The following MACF1 variants were observed in gnomAD, a reference collection of about 807,000 sequenced individuals.
MACF1 encodes the protein microtubule-actin cross-linking factor 1.
Under a neutral mutation model 854.8 loss-of-function variants are expected in MACF1, and 193 were observed. The observed-to-expected ratio is 0.23, with a 90% CI of 0.20 to 0.25. The LOEUF (loss-of-function observed/expected upper bound fraction) is 0.25, where lower values mean the gene tolerates loss of function less well. MACF1 is among the 10% of genes least tolerant of loss of function. The pLI is 1.00. For missense variants in MACF1, 7,722 were observed against 8,929.1 expected (o/e 0.86, Z 5.45); for synonymous variants, 3,185 against 3,226.7 (o/e 0.99, Z 0.44).
chr1:39,237,220 C>CT (rs1644869620), intron 2 of MACF1, among the ~76,000 whole-genome samples: 1 of 152,216 alleles, frequency 6.6e-6, no homozygotes, highest in Non-Finnish European at 1.5e-5. Context: ...CTGACCATCA[C>CT]CCACTTCACC....
At chr1:39,292,095 G>A in intron 16 of MACF1, 57 bp downstream of exon 16, 21 of 1,597,772 alleles carry the variant, frequency 1.3e-5, no homozygotes, top group Non-Finnish European at 1.7e-5. Flanking sequence ...CGGATGAAAG[G>A]ACAGTACACA....
In MACF1 at chr1:39,333,168, C is replaced by A. The variant is rs551439838; in HGVS notation, c.6580C>A (p.Pro2194Thr). 1.9e-6 allele frequency: 3 copies of A among 1,612,992 alleles called. No individual in the cohort carries two copies. The East Asian group carries it at 6.7e-5, about 36-fold the overall frequency. Reference protein sequence around the residue: ...HDETGGSHIKPQSKKLQVQVK... With the variant: ...HDETGGSHIKTQSKKLQVQVK... ...TGAAACTGGAGGATCTCACATAAAACCCCAAAGCAAAAAGTTACAAGTTCA... is the reference window on the plus strand; with the variant it reads ...TGAAACTGGAGGATCTCACATAAAAACCCAAAGCAAAAAGTTACAAGTTCA... The change falls in exon 37 of 101, where the codon CCC (proline) becomes ACC (threonine). Residue 2194 changes from proline to threonine, a missense_variant. By Grantham distance (38) the Pro-to-Thr change is conservative. Around this residue, in one of 15 missense-constraint regions of MACF1, gnomAD observed 1,531 missense variants for 1,601.6 expected, o/e 0.96. Transcript: ENST00000564288.
At chr1:39,424,229 G>A (rs763319454) in intron 61 of MACF1, 35 bp downstream of exon 61, 1 of 1,582,686 alleles carries the variant, frequency 6.3e-7, no homozygotes, top group Non-Finnish European at 8.6e-7. Flanking sequence ...GTGGGTCAGA[G>A]GTTTGTTTTG....
At chr1:39,412,904 A>G (rs1410253003) in intron 58 of MACF1, 1 of 1,608,790 alleles carries the variant, frequency 6.2e-7, no homozygotes, top group South Asian at 1.1e-5. Flanking sequence ...CCCTTTCCAC[A>G]TGAGGACATC....
In MACF1 at chr1:39,308,367, A is replaced by G. The variant is rs75214599; in HGVS notation, c.2790-1203A>G. ...TTTATTCTTCTTTGGGATTTCCTGA[A>G]CTTTGAATTTCAACTCTACTGAAAT... is the stretch of plus-strand genomic sequence containing the variant. On this transcript the variant is annotated intron_variant, in intron 23 of 100. Transcript: ENST00000564288. 4.5e-4 allele frequency among the ~76,000 whole-genome samples: 69 copies of G among 152,024 alleles called. 2 individuals are homozygous for G. The East Asian group carries it at 0.013, about 28-fold the overall frequency.
Position 39,236,612 on chromosome 1 carries a change from G to A in MACF1, c.171+5369G>A, listed in dbSNP as rs113943499. Among the ~76,000 whole-genome samples, 778 of 152,280 alleles carry A rather than the reference G, an allele frequency of 5.1e-3. 6 individuals are homozygous for A. Among genetic ancestry groups the A allele is most frequent in the African/African-American group, 0.017 (718 of 41,554 alleles). On this transcript the variant is annotated intron_variant, in intron 2 of 100. Coordinates refer to ENST00000564288, the MANE Select transcript of MACF1 (RefSeq NM_001394062.1). ...AATATTGTGTCTTATTGTTTATAGTGTTAGGACAAAGAAGAAAGAGAGAGA... is the reference window on the plus strand; with the variant it reads ...AATATTGTGTCTTATTGTTTATAGTATTAGGACAAAGAAGAAAGAGAGAGA...
intron 61 of MACF1, among the ~76,000 whole-genome samples, chr1:39,426,367 C>T (rs115270740): frequency 9.6e-4 from 146 of 152,182 alleles, no homozygotes; most frequent in Non-Finnish European, 1.9e-3. Context: ...TAGGACCTGG[C>T]GTAAATTAGG....
At chr1:39,165,789 A>G (rs1643875974) in intron 2 of MACF1, among the ~76,000 whole-genome samples, 1 of 152,236 alleles carries the variant, frequency 6.6e-6, no homozygotes, top group African/African-American at 2.4e-5. Context: ...CCAGTTGTTA[A>G]ATAGCATCTT....
At chr1:39,104,902 T>C (rs1050906746) in intron 2 of MACF1, among the ~76,000 whole-genome samples, 1 of 152,230 alleles carries the variant, frequency 6.6e-6, no homozygotes, top group Non-Finnish European at 1.5e-5. Context: ...TTTTGCCCTC[T>C]GCTTTCCCTT....
At chr1:39,394,589 C>T (rs1642199679) in intron 58 of MACF1, among the ~76,000 whole-genome samples, 1 of 152,076 alleles carries the variant, frequency 6.6e-6, no homozygotes, top group Non-Finnish European at 1.5e-5. Flanking sequence ...CACCACTGCA[C>T]TCCAGCCTGG....
intron 56 of MACF1, among the ~76,000 whole-genome samples, chr1:39,383,115 G>A (rs1315856035): frequency 6.6e-6 from 1 of 152,008 alleles, no homozygotes; most frequent in Non-Finnish European, 1.5e-5. Flanking sequence ...AGCAAAAACT[G>A]CTTCAAAAAA....
At chr1:39,475,481 A>AAAAG (rs1236995810) in intron 97 of MACF1, among the ~76,000 whole-genome samples, 2 of 151,452 alleles carry the variant, frequency 1.3e-5, no homozygotes, top group Admixed American at 1.3e-4. Flanking sequence ...AAAAAAAAAA[A>AAAAG]AAAATGCATT....
chr1:39,452,852 C>T (rs1284745768), intron 87 of MACF1, 40 bp downstream of exon 87: 1 of 1,605,368 alleles, frequency 6.2e-7, no homozygotes, highest in Non-Finnish European at 8.5e-7. Flanking sequence ...ATGCTACCTA[C>T]CACCTTGAGG....
At chr1:39,091,840 A>T (rs571698653) in intron 2 of MACF1, among the ~76,000 whole-genome samples, 1 of 152,082 alleles carries the variant, frequency 6.6e-6, no homozygotes, top group African/African-American at 2.4e-5. Flanking sequence ...TCATTCACTC[A>T]TACACTTGTT....
At chr1:39,351,254 C>G (rs1213752099) in intron 43 of MACF1, among the ~76,000 whole-genome samples, 1 of 152,134 alleles carries the variant, frequency 6.6e-6, no homozygotes, top group African/African-American at 2.4e-5. Context: ...TCAAGTGATT[C>G]TCCTGCCTCA....
At chr1:39,304,922 A>T (rs1002172225) in intron 23 of MACF1, 1 of 151,092 alleles carries the variant, frequency 6.6e-6, no homozygotes, top group Non-Finnish European at 1.5e-5. Context: ...TCAGACTCTG[A>T]ATTTTTTTTT....
intron 61 of MACF1, among the ~76,000 whole-genome samples, chr1:39,424,888 C>CA (rs560896545): frequency 8.1e-4 from 123 of 152,302 alleles, no homozygotes; most frequent in Admixed American, 1.4e-3. Flanking sequence ...GTATCCTTTA[C>CA]ATTTCCTAGG....
intron 100 of MACF1, 173 bp from the exon 101 acceptor site, chr1:39,485,365 T>A: frequency 1.4e-6 from 1 of 701,544 alleles, no homozygotes; most frequent in Non-Finnish European, 2.3e-6. Context: ...TCAAGTAGAA[T>A]CACAAAGCCA....
rs35312351 is a variant in MACF1 at position 39,337,562 on chromosome 1, A to ATTTTT, written c.10215+248_10215+252dup. ...TTTGGCTATCAATGTAATTACTACCATTTTTTTTTTTTTTTTTTTTTGAGA... is the reference window on the plus strand; with the variant it reads ...TTTGGCTATCAATGTAATTACTACCATTTTTTTTTTTTTTTTTTTTTTTTTTGAGA... On this transcript the variant is annotated intron_variant, in intron 38 of 100. Coordinates refer to ENST00000564288, the MANE Select transcript of MACF1 (RefSeq NM_001394062.1). Among the ~76,000 whole-genome samples the ATTTTT allele has an allele frequency of 9.8e-3, 982 of 100,082 alleles. 31 individuals carry two copies. Among genetic ancestry groups the ATTTTT allele is most frequent in the South Asian group, 0.014 (38 of 2,748 alleles). 65.7% of individuals were successfully genotyped at this position (100,082 alleles called of 152,430 possible).
Sources: gnomAD v4.1 joint callset for allele counts (sites outside exome capture counted in the v4.1 genomes callset) on GRCh38, gnomAD v4.1.1 for gene constraint, gnomAD v4.1.1 regional missense constraint, MANE v1.5 for transcripts, NCBI Gene and HGNC (gene_info 2026-07-23, HGNC 2026-07-21) for gene names.